Variants in PRKCA observed in about 807,000 individuals in gnomAD.
PRKCA encodes protein kinase C alpha, also known as protein kinase C alpha type.
In PRKCA, 27 loss-of-function variants were observed where a neutral mutation model predicts 87.0. That is an observed-to-expected ratio of 0.31 (90% CI 0.23 to 0.43). The LOEUF (loss-of-function observed/expected upper bound fraction) is 0.43, where lower values mean the gene tolerates loss of function less well. PRKCA is among the 20% of genes least tolerant of loss of function. PRKCA has a pLI of 1.00. For synonymous variants in PRKCA, 329 were observed against 311.1 expected (o/e 1.06, Z -0.61); for missense variants, 518 against 852.3 (o/e 0.61, Z 4.88).
At chr17:66,684,642 C>T (rs1272713541) in intron 5 of PRKCA, among the ~76,000 whole-genome samples, 1 of 152,220 alleles carries the variant, frequency 6.6e-6, no homozygotes, top group Non-Finnish European at 1.5e-5. Context: ...TTTAACTCAT[C>T]ACCATTCCGA....
At chr17:66,321,180 A>G (rs566435254) in intron 2 of PRKCA, among the ~76,000 whole-genome samples, 124 of 152,314 alleles carry the variant, frequency 8.1e-4, no homozygotes, top group Non-Finnish European at 1.4e-3. Flanking sequence ...TAAATATTCC[A>G]TGGAAAATTT....
At chr17:66,454,610 C>T (rs184043854) in intron 2 of PRKCA, among the ~76,000 whole-genome samples, 10 of 152,256 alleles carry the variant, frequency 6.6e-5, no homozygotes, top group Admixed American at 4.6e-4. Context: ...GTGAAAGGCA[C>T]ATCCACATGG....
chr17:66,595,709 C>T (rs2143566736), intron 3 of PRKCA, among the ~76,000 whole-genome samples: 1 of 152,234 alleles, frequency 6.6e-6, no homozygotes, highest in East Asian at 1.9e-4. Context: ...GATCCGCCCG[C>T]CTCGGCCTCC....
chr17:66,693,182 A>G (rs1218537726), intron 8 of PRKCA, among the ~76,000 whole-genome samples: 1 of 152,220 alleles, frequency 6.6e-6, no homozygotes, highest in African/African-American at 2.4e-5. Context: ...GAGCCAAGGA[A>G]TATTCCAGGG....
At chr17:66,396,684 A>G (rs1246860538) in intron 2 of PRKCA, among the ~76,000 whole-genome samples, 1 of 145,460 alleles carries the variant, frequency 6.9e-6, no homozygotes, top group African/African-American at 2.6e-5. Flanking sequence ...ACTGGAGTAC[A>G]GTGGCGCGAT....
Position 66,302,805 on chromosome 17 carries a change from C to T in PRKCA, c.-47C>T. The T allele has an allele frequency of 6.9e-7, 1 of 1,449,894 alleles. No homozygotes were observed. Among genetic ancestry groups the T allele is most frequent in the Non-Finnish European group, 9.2e-7 (1 of 1,091,950 alleles). The allele number at this position is 1,449,894 out of a possible 1,614,324, so 89.8% of individuals were successfully genotyped here. ...CGCCGCCCCCGCCCACCCGGCCCTC[C>T]GCGGCCGCAGCTCCCCGGCGGAGGC... On this transcript the variant is annotated 5_prime_UTR_variant, in exon 1 of 17. Coordinates refer to ENST00000413366, the MANE Select transcript of PRKCA (RefSeq NM_002737.3).
rs141376042 is a variant in PRKCA, at chr17:66,803,924, G to A, written c.1906G>A (p.Val636Ile). The change falls in exon 17 of 17, where the codon GTC (valine) becomes ATC (isoleucine). Residue 636 changes from valine to isoleucine, a missense_variant. This residue lies in a region of PRKCA where 159 missense variants were observed against 232.4 expected (regional missense o/e 0.68). Transcript: ENST00000413366. The surrounding 1 kb of genome is among the most constrained non-coding windows in gnomAD (Gnocchi z 4.4). Reference protein sequence around the residue: ...FDKFFTRGQPVLTPPDQLVIA... With the variant: ...FDKFFTRGQPILTPPDQLVIA... ...CAAGTTCTTCACACGAGGACAGCCC[G>A]TCTTAACACCACCTGATCAGCTGGT... is the stretch of plus-strand genomic sequence containing the variant. 4.2e-4 allele frequency: 680 copies of A among 1,613,988 alleles called. 2 individuals are homozygous for A. In the African/African-American group the frequency reaches 7.8e-3, roughly 18 times the overall value.
At chr17:66,721,989 T>G (rs1401157868) in intron 8 of PRKCA, among the ~76,000 whole-genome samples, 1 of 151,998 alleles carries the variant, frequency 6.6e-6, no homozygotes, top group Non-Finnish European at 1.5e-5. Flanking sequence ...TCTATGATGA[T>G]GAGATGGACC....
At chr17:66,384,832 G>A (rs910713006) in intron 2 of PRKCA, among the ~76,000 whole-genome samples, 1 of 151,938 alleles carries the variant, frequency 6.6e-6, no homozygotes, top group Non-Finnish European at 1.5e-5. Context: ...GGGTTTCACT[G>A]TGTTAGCCAG....
At position 66,393,665 on chromosome 17, in the gene PRKCA, T is replaced by C. The variant is rs562120809; in HGVS notation, c.205+87538T>C. The stretch of plus-strand genomic sequence containing the variant: ...ACGTGTGTGTGTGTGTGTGTGTGTG[T>C]GCGCCGTCAAATGTTGGAGCTTCTG... On this transcript the variant is annotated intron_variant, in intron 2 of 16. Transcript: ENST00000413366. 7.5e-4 allele frequency among the ~76,000 whole-genome samples: 114 copies of C among 151,426 alleles called. No individual in the cohort carries two copies. In the Middle Eastern group the frequency reaches 0.01, roughly 14 times the overall value.
chr17:66,718,349 G>C (rs186238152), intron 8 of PRKCA, among the ~76,000 whole-genome samples: 11 of 152,244 alleles, frequency 7.2e-5, no homozygotes, highest in African/African-American at 2.6e-4. Context: ...GTCTCATTCT[G>C]ATGCCCAGGC....
chr17:66,608,155 A>G (rs111432933), intron 3 of PRKCA, among the ~76,000 whole-genome samples: 3,533 of 151,568 alleles, frequency 0.023, 61 homozygotes, highest in South Asian at 0.034. Flanking sequence ...ATTGGAGCAC[A>G]CTGACTGAAG....
At chr17:66,605,822 A>C (rs1970190024) in intron 3 of PRKCA, among the ~76,000 whole-genome samples, 1 of 152,238 alleles carries the variant, frequency 6.6e-6, no homozygotes, top group African/African-American at 2.4e-5. Flanking sequence ...AAGAAGCCAG[A>C]CGCAGAAAGT....
intron 2 of PRKCA, among the ~76,000 whole-genome samples, chr17:66,436,189 A>G (rs796962123): frequency 4.6e-5 from 7 of 152,302 alleles, no homozygotes; most frequent in African/African-American, 1.7e-4. Flanking sequence ...AAGAGGTTGG[A>G]TGGCATTGAT....
chr17:66,583,588 A>G (rs1288085536), intron 3 of PRKCA, among the ~76,000 whole-genome samples: 1 of 141,958 alleles, frequency 7.0e-6, no homozygotes, highest in East Asian at 2.1e-4. Context: ...GTTTAGTTAA[A>G]TGAACCAAAA....
At chr17:66,687,433 G>A (rs189805395) in intron 6 of PRKCA, among the ~76,000 whole-genome samples, 166 bp downstream of exon 6, 43 of 152,258 alleles carry the variant, frequency 2.8e-4, no homozygotes, top group East Asian at 2.3e-3. Context: ...GCACCTGTTC[G>A]ATAGATAGTA....
At chr17:66,398,160 T>A (rs1910796631) in intron 2 of PRKCA, 1 of 152,170 alleles carries the variant, frequency 6.6e-6, no homozygotes, top group African/African-American at 2.4e-5. Flanking sequence ...TGGCCAAGGC[T>A]GGGAATTGAA....
At chr17:66,490,938 C>T (rs756337486) in intron 2 of PRKCA, among the ~76,000 whole-genome samples, 2 of 152,204 alleles carry the variant, frequency 1.3e-5, no homozygotes, top group African/African-American at 2.4e-5. Flanking sequence ...CTGAAATATA[C>T]TTTCGACAAG....
chr17:66,501,671 G>A (rs1598724552), intron 3 of PRKCA, among the ~76,000 whole-genome samples: 2 of 152,184 alleles, frequency 1.3e-5, no homozygotes, highest in Non-Finnish European at 2.9e-5. Flanking sequence ...GCAGCTTGGG[G>A]CTCTGCCCAG....
Sources: allele counts gnomAD v4.1 joint callset (sites outside exome capture counted in the v4.1 genomes callset), GRCh38; gene constraint gnomAD v4.1.1; regional missense constraint gnomAD v4.1.1; non-coding constraint Gnocchi (gnomAD v3.1); transcripts MANE v1.5; gene names NCBI Gene and HGNC (gene_info 2026-07-23, HGNC 2026-07-21).